Variants in FLNB observed in about 807,000 individuals in gnomAD.
FLNB encodes the protein filamin B.
A neutral mutation model predicts 250.6 loss-of-function variants in FLNB; 111 were observed. That is an observed-to-expected ratio of 0.44 (90% confidence interval 0.38 to 0.52). FLNB has a LOEUF of 0.52. Ranked by LOEUF, FLNB falls within the 20% of genes least tolerant of loss-of-function variation. The pLI is 0.00. For synonymous variants in FLNB, 1,302 were observed against 1,372.1 expected (o/e 0.95, Z 1.13); for missense variants, 2,869 against 3,447.8 (o/e 0.83, Z 4.20).
intron 8 of FLNB, among the ~76,000 whole-genome samples, chr3:58,099,989 T>A (rs1385549480): frequency 6.6e-6 from 1 of 152,134 alleles, no homozygotes; most frequent in Non-Finnish European, 1.5e-5. Flanking sequence ...AATTACTCTT[T>A]TGATGTTGAG....
At chr3:58,076,466 A>G (rs750899470) in intron 1 of FLNB, among the ~76,000 whole-genome samples, 1 of 152,000 alleles carries the variant, frequency 6.6e-6, no homozygotes, top group Non-Finnish European at 1.5e-5. Context: ...GATTTCTTTC[A>G]ATTTTTGAGA....
chr3:58,121,288 G>T lies in FLNB; in HGVS notation c.2911G>T (p.Ala971Ser). The change falls in exon 20 of 46, where the codon GCA becomes TCA. Residue 971 changes from alanine (A) to serine (S), a missense_variant. Physicochemically the swap from Ala to Ser is moderately conservative, Grantham distance 99. This residue lies in a region of FLNB where 1,348 missense variants were observed against 1,466.7 expected (regional missense o/e 0.92). Transcript: ENST00000295956. ...GGAGTTCACCGTTGATACCAGGGGG[G>T]CAGGAGGCCAGGGGAAGCTGGACGT... ...DQEFTVDTRG[A>S]GGQGKLDVTI... 2 of 1,614,184 alleles carry T rather than the reference G, an allele frequency of 1.2e-6. No individual in the cohort carries two copies. The highest frequency in any genetic ancestry group is 4.5e-5 in the East Asian group (2 of 44,880).
At position 58,118,949 on chromosome 3, in the gene FLNB, G is replaced by A. The variant is rs746952451; in HGVS notation, c.2823G>A (p.Pro941=). ...CTTTCACTGTGGGTGTTGCTGCACC[G>A]CTGGATCTGAGCAAGATAAAACTCA... The part of the protein sequence containing the change: ...KSPFTVGVAA[P]LDLSKIKLNG... The change falls in exon 19 of 46, where the codon CCG becomes CCA. Residue 941 remains proline (P), a synonymous_variant. Transcript: ENST00000295956. The A allele has an allele frequency of 3.5e-5, 56 of 1,613,778 alleles. No homozygotes were observed. The highest frequency in any genetic ancestry group is 2.1e-4 in the South Asian group (19 of 91,076).
chr3:58,119,133 T>A (rs775714199), intron 19 of FLNB, 144 bp downstream of exon 19: 114 of 731,126 alleles, frequency 1.6e-4, no homozygotes, highest in Non-Finnish European at 2.7e-4. Context: ...TGGTTCGAAT[T>A]AAGGCCGTGG....
At chr3:58,133,063 C>A in intron 26 of FLNB, 132 bp downstream of exon 26, 1 of 1,018,284 alleles carries the variant, frequency 9.8e-7, no homozygotes, top group Non-Finnish European at 1.5e-6. Flanking sequence ...CTCCATCAGT[C>A]CATCCATCCA....
intron 1 of FLNB, among the ~76,000 whole-genome samples, chr3:58,033,176 C>T (rs2097133303): frequency 6.6e-6 from 1 of 152,208 alleles, no homozygotes; most frequent in African/African-American, 2.4e-5. Flanking sequence ...CCTGTGTACA[C>T]ATGTACACTC....
intron 1 of FLNB, among the ~76,000 whole-genome samples, chr3:58,060,230 C>G (rs1228731531): frequency 6.6e-6 from 1 of 152,082 alleles, no homozygotes; most frequent in Non-Finnish European, 1.5e-5. Context: ...GAAAAACATG[C>G]CCAAGGCTGG....
chr3:58,123,914 C>T (rs1403778496), intron 21 of FLNB, among the ~76,000 whole-genome samples: 1 of 152,162 alleles, frequency 6.6e-6, no homozygotes, highest in African/African-American at 2.4e-5. Context: ...TTTTCTGTTT[C>T]TCCATGGGGA....
In FLNB at chr3:58,123,693, G is replaced by C; in HGVS notation, c.3724+3G>C. On this transcript the variant is annotated splice_donor_region_variant and intron_variant, in intron 21 of 45. Transcript: ENST00000295956. ...TGGACCAGGAATAGAAGGGAAAGGT[G>C]GGTTTCATTTAAAAAAAAAAAAAAA... The C allele has an allele frequency of 2.0e-6, 3 of 1,466,842 alleles. No individual in the cohort carries two copies. The highest frequency in any genetic ancestry group is 2.8e-6 in the Non-Finnish European group (3 of 1,068,698). The allele number at this position is 1,466,842 out of a possible 1,614,324, so 90.9% of individuals were successfully genotyped here. A position where few individuals can be genotyped will look rare whatever the true frequency, so the allele number is the denominator to read the frequency against.
Position 58,143,487 on chromosome 3 carries a change from C to T in FLNB, c.5299C>T (p.Pro1767Ser). ...KGEITGEVHM[P>S]SGKTATPEIV... ...GTGCTCCATAGGAGAGGTCCACATG[C>T]CTTCTGGGAAGACAGCCACACCTGA... Residue 1767 changes from proline to serine, a missense_variant, in exon 32 of 46, where the codon CCT (proline) becomes TCT (serine). Physicochemically the swap from Pro to Ser is moderately conservative, Grantham distance 74. Around this residue, in one of 5 missense-constraint regions of FLNB, gnomAD observed 1,084 missense variants for 1,315.5 expected, o/e 0.82. Coordinates refer to ENST00000295956, the MANE Select transcript of FLNB (RefSeq NM_001457.4). 1 of 1,614,168 alleles carries T rather than the reference C, an allele frequency of 6.2e-7. No individual in the cohort carries two copies. Among genetic ancestry groups the T allele is most frequent in the Non-Finnish European group, 8.5e-7 (1 of 1,180,020 alleles).
Position 58,077,132 on chromosome 3 carries a change from G to A in FLNB, c.379G>A (p.Val127Met), listed in dbSNP as rs764628343. ...CCTCCACTACTCCATCTCCATGCCC[G>A]TGTGGGAGGATGAAGGGGATGATGA... ...LILHYSISMP[V>M]WEDEGDDDAK... Residue 127 changes from valine (V) to methionine (M), a missense_variant, in exon 2 of 46, where the codon GTG becomes ATG. Val to Met is a conservative substitution (Grantham distance 21, BLOSUM62 1). This residue lies in a region of FLNB where 308 missense variants were observed against 466.1 expected (regional missense o/e 0.66). Coordinates refer to ENST00000295956, the MANE Select transcript of FLNB (RefSeq NM_001457.4). 4.2e-5 allele frequency: 67 copies of A among 1,614,036 alleles called. No individual in the cohort carries two copies. Among genetic ancestry groups the A allele is most frequent in the Non-Finnish European group, 5.2e-5 (61 of 1,180,034 alleles).
chr3:58,035,779 G>C (rs747702301), intron 1 of FLNB, among the ~76,000 whole-genome samples: 6 of 152,196 alleles, frequency 3.9e-5, no homozygotes, highest in Non-Finnish European at 7.3e-5. Context: ...AATGCCTCTT[G>C]ATCACGGCCT....
intron 21 of FLNB, among the ~76,000 whole-genome samples, chr3:58,124,102 C>T (rs1259116958): frequency 1.3e-5 from 2 of 152,200 alleles, no homozygotes; most frequent in African/African-American, 4.8e-5. Flanking sequence ...TTTAACCTGT[C>T]CTCGAGCCCG....
chr3:58,120,339 C>G (rs1480285004), intron 19 of FLNB, among the ~76,000 whole-genome samples: 1 of 152,206 alleles, frequency 6.6e-6, no homozygotes, highest in African/African-American at 2.4e-5. Flanking sequence ...AAGCAGGGTG[C>G]CAATTAGGAA....
Position 58,126,635 on chromosome 3 carries a change from T to G in FLNB, c.4095T>G (p.Val1365=). Residue 1365 remains valine, a synonymous_variant, in exon 24 of 46, where the codon GTT becomes GTG. Transcript: ENST00000295956. ...GAATTGGTGGGCTTGGCATAACTGTTGAGGGACCATCAGAGTCGAAGATAA... is the reference window on the plus strand; with the variant it reads ...GAATTGGTGGGCTTGGCATAACTGTGGAGGGACCATCAGAGTCGAAGATAA... ...GAGIGGLGIT[V]EGPSESKINC... 1 of 1,614,096 alleles carries G rather than the reference T, an allele frequency of 6.2e-7. No homozygotes were observed. Among genetic ancestry groups the G allele is most frequent in the African/African-American group, 1.3e-5 (1 of 75,034 alleles).
Position 58,168,611 on chromosome 3 carries a change from G to T in FLNB, c.7370G>T (p.Gly2457Val). The T allele has an allele frequency of 1.9e-6, 3 of 1,614,138 alleles. No individual in the cohort carries two copies. ...AACTACCTGATCAGCGTCAAATACG[G>T]TGGGCCCAACCACATCGTGGGCAGT... ...PGNYLISVKY[G>V]GPNHIVGSPF... is the part of the protein sequence containing the mutation. Residue 2457 changes from glycine to valine, a missense_variant, in exon 44 of 46, where the codon GGT (glycine) becomes GTT (valine). Gly to Val is a moderately radical substitution (Grantham distance 109). Around this residue, in one of 5 missense-constraint regions of FLNB, gnomAD observed 1,084 missense variants for 1,315.5 expected, o/e 0.82. Coordinates refer to ENST00000295956, the MANE Select transcript of FLNB (RefSeq NM_001457.4).
chr3:58,041,034 G>A (rs2097145338), intron 1 of FLNB, among the ~76,000 whole-genome samples: 1 of 152,122 alleles, frequency 6.6e-6, no homozygotes, highest in South Asian at 2.1e-4. Context: ...TATGCCTCAT[G>A]TCACTTACAT....
Position 58,132,820 on chromosome 3 carries a change from C to T in FLNB, c.4403C>T (p.Pro1468Leu), listed in dbSNP as rs1278090189. Residue 1468 changes from proline (P) to leucine (L), a missense_variant, in exon 26 of 46, where the codon CCA (proline) becomes CTA (leucine). Physicochemically the swap from Pro to Leu is moderately conservative, Grantham distance 98. Transcript: ENST00000295956. Reference sequence around the variant, plus strand: ...TCTCTGTCCTCAGGCTTGGTGGAGCCAGTGAACGTGGTGGACAATGGAGAT... The same window carrying T: ...TCTCTGTCCTCAGGCTTGGTGGAGCTAGTGAACGTGGTGGACAATGGAGAT... ...RVLGPRGLVE[P>L]VNVVDNGDGT... The T allele has an allele frequency of 1.5e-5, 25 of 1,614,018 alleles. No homozygotes were observed. The highest frequency in any genetic ancestry group is 2.1e-5 in the Non-Finnish European group (25 of 1,180,026).
rs546342580 is a variant in FLNB, at chr3:58,042,391, A to C, written c.292+33535A>C. ...AAGTCCGGGTCTTACTCTGTCACCC[A>C]GGCTAGGGTGCAGTGGCATGATCAC... On this transcript the variant is annotated intron_variant, in intron 1 of 45. Coordinates refer to ENST00000295956, the MANE Select transcript of FLNB (RefSeq NM_001457.4). 3.4e-4 allele frequency among the ~76,000 whole-genome samples: 49 copies of C among 144,810 alleles called. 1 individual carries two copies. The South Asian group carries it at 0.011, about 31-fold the overall frequency.
Sources: allele counts gnomAD v4.1 joint callset (sites outside exome capture counted in the v4.1 genomes callset), GRCh38; gene constraint gnomAD v4.1.1; regional missense constraint gnomAD v4.1.1; transcripts MANE v1.5; gene names NCBI Gene and HGNC (gene_info 2026-07-23, HGNC 2026-07-21).